Variants in MNAT1 observed in about 807,000 individuals in gnomAD.
MNAT1 encodes CDK-activating kinase assembly factor MAT1.
In MNAT1, 43 loss-of-function variants were observed where a neutral mutation model predicts 42.0. The observed-to-expected ratio is 1.02, with a 90% CI of 0.80 to 1.32. MNAT1 has a LOEUF of 1.32. MNAT1 is among the 40% of genes most tolerant of loss of function. The pLI, the probability that MNAT1 is intolerant of heterozygous loss-of-function variation, is 0.00. For synonymous variants in MNAT1, 118 were observed against 120.0 expected (o/e 0.98, Z 0.11); for missense variants, 306 against 350.4 (o/e 0.87, Z 1.01).
chr14:60,930,560 A>G (rs540040694), intron 7 of MNAT1, among the ~76,000 whole-genome samples: 11 of 152,296 alleles, frequency 7.2e-5, no homozygotes, highest in African/African-American at 2.2e-4. Context: ...CAGTCTGGAA[A>G]AGGGAGATTG....
chr14:60,756,061 T>G (rs1442030497), intron 1 of MNAT1, among the ~76,000 whole-genome samples: 2 of 152,240 alleles, frequency 1.3e-5, no homozygotes, highest in Non-Finnish European at 2.9e-5. Context: ...TAAATACTTG[T>G]CTTTTTTTGG....
chr14:60,919,892 C>T, intron 7 of MNAT1: 1 of 162,888 alleles, frequency 6.1e-6, no homozygotes, highest in Non-Finnish European at 1.4e-5. Context: ...GGGGTGGCTG[C>T]AGAGAGGCAG....
At chr14:60,868,951 T>G in intron 6 of MNAT1, among the ~76,000 whole-genome samples, 1 of 150,898 alleles carries the variant, frequency 6.6e-6, no homozygotes, top group East Asian at 1.9e-4. Flanking sequence ...GGAAACGTGA[T>G]CATCTTGCAG....
intron 7 of MNAT1, among the ~76,000 whole-genome samples, chr14:60,956,993 T>A (rs1288326581): frequency 6.6e-6 from 1 of 152,212 alleles, no homozygotes; most frequent in African/African-American, 2.4e-5. Context: ...TTTAAAGTAA[T>A]GATTGATAGG....
intron 7 of MNAT1, among the ~76,000 whole-genome samples, chr14:60,950,164 A>G (rs145665239): frequency 2.0e-5 from 3 of 152,266 alleles, no homozygotes; most frequent in African/African-American, 7.2e-5. Flanking sequence ...GTTGCTTTGA[A>G]TGGAAAAATA....
intron 3 of MNAT1, among the ~76,000 whole-genome samples, chr14:60,800,721 GTGTT>G (rs1308292169): frequency 6.6e-6 from 1 of 152,146 alleles, no homozygotes. Flanking sequence ...GTGTATGTGT[GTGTT>G]TCTCTCCTTT....
chr14:60,776,329 G>C (rs1032579299), intron 1 of MNAT1, among the ~76,000 whole-genome samples: 1 of 152,088 alleles, frequency 6.6e-6, no homozygotes, highest in African/African-American at 2.4e-5. Flanking sequence ...GCTAGAAACA[G>C]ACAACCCAGC....
intron 7 of MNAT1, among the ~76,000 whole-genome samples, chr14:60,913,387 G>C (rs2035431722): frequency 6.6e-6 from 1 of 152,160 alleles, no homozygotes; most frequent in African/African-American, 2.4e-5. Flanking sequence ...CATTCCTTTG[G>C]AGGAGGAGAG....
intron 1 of MNAT1, among the ~76,000 whole-genome samples, chr14:60,773,311 T>C (rs1426141951): frequency 6.6e-6 from 1 of 152,174 alleles, no homozygotes; most frequent in East Asian, 1.9e-4. Context: ...TTATGTTTGA[T>C]GTAGTGAGTG....
At chr14:60,743,942 A>G (rs1021747410) in intron 1 of MNAT1, among the ~76,000 whole-genome samples, 7 of 151,738 alleles carry the variant, frequency 4.6e-5, no homozygotes, top group Admixed American at 1.3e-4. Flanking sequence ...TATCTTTTTT[A>G]TAGTTTTCAT....
intron 7 of MNAT1, among the ~76,000 whole-genome samples, chr14:60,909,595 G>T (rs1009449601): frequency 1.3e-5 from 2 of 151,926 alleles, no homozygotes; most frequent in African/African-American, 2.4e-5. Flanking sequence ...TTTCCCCATT[G>T]CTTGTTTTTC....
intron 6 of MNAT1, among the ~76,000 whole-genome samples, chr14:60,829,898 A>G (rs1467003830): frequency 6.6e-6 from 1 of 152,222 alleles, no homozygotes; most frequent in Non-Finnish European, 1.5e-5. Flanking sequence ...TTGAGTGCCA[A>G]TCTGCCTATC....
intron 7 of MNAT1, among the ~76,000 whole-genome samples, chr14:60,894,735 A>G (rs144824267): frequency 2.6e-5 from 4 of 152,210 alleles, no homozygotes; most frequent in Non-Finnish European, 2.9e-5. Context: ...TTCATCAAGC[A>G]TTGAATATTT....
chr14:60,779,939 C>T (rs1399001997), intron 1 of MNAT1: 1 of 1,333,256 alleles, frequency 7.5e-7, no homozygotes, highest in Admixed American at 1.8e-5. Context: ...AGTGAAAGCG[C>T]GTGCCTTTGT....
chr14:60,778,631 G>T (rs143419801), intron 1 of MNAT1, among the ~76,000 whole-genome samples: 1 of 152,174 alleles, frequency 6.6e-6, no homozygotes, highest in African/African-American at 2.4e-5. Context: ...ACCAAGAGTC[G>T]CACTTTACAG....
intron 6 of MNAT1, among the ~76,000 whole-genome samples, chr14:60,843,670 A>T (rs2033608172): frequency 6.6e-6 from 1 of 152,192 alleles, no homozygotes; most frequent in African/African-American, 2.4e-5. Flanking sequence ...GATTTGTAAA[A>T]TGTTTTACAA....
At chr14:60,938,740 G>T (rs1452659503) in intron 7 of MNAT1, among the ~76,000 whole-genome samples, 1 of 152,154 alleles carries the variant, frequency 6.6e-6, no homozygotes, top group African/African-American at 2.4e-5. Context: ...GATGATGCTG[G>T]CCTCATACAA....
intron 6 of MNAT1, among the ~76,000 whole-genome samples, chr14:60,830,666 G>T (rs1468388517): frequency 6.6e-6 from 1 of 152,064 alleles, no homozygotes; most frequent in Non-Finnish European, 1.5e-5. Context: ...GTATTGCCTT[G>T]AGTTAACTGT....
chr14:60,870,881 C>A (rs2034311258), intron 6 of MNAT1, among the ~76,000 whole-genome samples: 1 of 152,130 alleles, frequency 6.6e-6, no homozygotes, highest in Non-Finnish European at 1.5e-5. Flanking sequence ...GTCTCTGATA[C>A]TCATTTGCAG....
Sources: allele counts gnomAD v4.1 joint callset (sites outside exome capture counted in the v4.1 genomes callset), GRCh38; gene constraint gnomAD v4.1.1; transcripts MANE v1.5; gene names NCBI Gene and HGNC (gene_info 2026-07-23, HGNC 2026-07-21).